PLXDC1: variants seen among roughly 807,000 people sequenced by gnomAD.
PLXDC1 encodes plexin domain-containing protein 1.
A neutral mutation model predicts 61.3 loss-of-function variants in PLXDC1; 39 were observed. The ratio of observed to expected loss-of-function variants is 0.64; its 90% confidence interval spans 0.49 to 0.83. The LOEUF (loss-of-function observed/expected upper bound fraction) is 0.83. Ranked by LOEUF, PLXDC1 falls within the 40% of genes least tolerant of loss-of-function variation. The pLI, the probability that PLXDC1 is intolerant of heterozygous loss-of-function variation, is 0.00. For missense variants in PLXDC1, 596 were observed against 666.5 expected (o/e 0.89, Z 1.17); for synonymous variants, 212 against 254.5 (o/e 0.83, Z 1.59).
chr17:39,132,854 G>A (rs1300531613), intron 2 of PLXDC1, among the ~76,000 whole-genome samples: 1 of 152,116 alleles, frequency 6.6e-6, no homozygotes, highest in African/African-American at 2.4e-5. Context: ...CCACCCGCCA[G>A]CCCTCAGTCC....
Position 39,067,935 on chromosome 17 carries a change from T to C in PLXDC1, c.1408A>G (p.Met470Val), listed in dbSNP as rs764232105. 122 of 1,613,976 alleles carry C rather than the reference T, an allele frequency of 7.6e-5. No homozygotes were observed. The highest frequency in any genetic ancestry group is 1.0e-4 in the Non-Finnish European group (120 of 1,179,998). ...TGGTCAGGGTGGCTGCGAAACTTCA[T>C]GGCTGGCCAGTGGTGAGGTCTACGC... Reference protein sequence around the residue: ...IERRPHHWPAMKFRSHPDHST... With the variant: ...IERRPHHWPAVKFRSHPDHST... Residue 470 changes from methionine (M) to valine (V), a missense_variant, in exon 14 of 14, where the codon ATG (methionine) becomes GTG (valine). By Grantham distance (21) the Met-to-Val change is conservative. Transcript: ENST00000315392.
chr17:39,067,947 G>T lies in PLXDC1; in HGVS notation c.1396C>A (p.His466Asn). ...ALFFIERRPH[H>N]WPAMKFRSHP... ...CTGCGAAACTTCATGGCTGGCCAGT[G>T]GTGAGGTCTACGCTGCAGAAGGCAC... is the stretch of plus-strand genomic sequence containing the variant. The change falls in exon 14 of 14, where the codon CAC becomes AAC. Residue 466 changes from histidine (H) to asparagine (N), a missense_variant. By Grantham distance (68) the His-to-Asn change is moderately conservative. Transcript: ENST00000315392. 1 of 1,613,960 alleles carries T rather than the reference G, an allele frequency of 6.2e-7. No individual in the cohort carries two copies. Among genetic ancestry groups the T allele is most frequent in the Non-Finnish European group, 8.5e-7 (1 of 1,179,948 alleles).
intron 1 of PLXDC1, among the ~76,000 whole-genome samples, chr17:39,143,323 A>C (rs533955727): frequency 6.6e-6 from 1 of 152,054 alleles, no homozygotes; most frequent in East Asian, 1.9e-4. Flanking sequence ...TTTCAGGCCC[A>C]CCCTGTGTCA....
intron 2 of PLXDC1, among the ~76,000 whole-genome samples, chr17:39,139,114 C>G (rs1337275421): frequency 1.3e-5 from 2 of 152,202 alleles, no homozygotes; most frequent in Non-Finnish European, 2.9e-5. Context: ...CCCTCCAGGC[C>G]TCTCCTCCCT....
At chr17:39,084,811 G>A (rs1203341201) in intron 8 of PLXDC1, among the ~76,000 whole-genome samples, 1 of 152,256 alleles carries the variant, frequency 6.6e-6, no homozygotes, top group African/African-American at 2.4e-5. Context: ...GCCAGGCACA[G>A]GAGCAGCAGG....
At chr17:39,072,093 T>C (rs1239919837) in intron 12 of PLXDC1, 2 of 293,658 alleles carry the variant, frequency 6.8e-6, no homozygotes, top group African/African-American at 4.2e-5. Flanking sequence ...TATGAGCCCA[T>C]GGGGATCAGA....
In PLXDC1 at chr17:39,063,498, A is replaced by G; in HGVS notation, c.*4342T>C. On this transcript the variant is annotated 3_prime_UTR_variant, in exon 14 of 14. Coordinates refer to ENST00000315392, the MANE Select transcript of PLXDC1 (RefSeq NM_020405.5). ...GCAGATAGCTGGAGGCTGTTCCCAC[A>G]GTCATGTCTCAGCGAAGAAGTCGGA... is the stretch of plus-strand genomic sequence containing the variant. The G allele has an allele frequency of 2.8e-6, 2 of 702,990 alleles. No homozygotes were observed. The highest frequency in any genetic ancestry group is 1.7e-5 in the African/African-American group (1 of 57,368). 43.5% of individuals were successfully genotyped at this position (702,990 alleles called of 1,614,324 possible).
At chr17:39,122,593 C>T (rs980139125) in intron 2 of PLXDC1, among the ~76,000 whole-genome samples, 2 of 152,078 alleles carry the variant, frequency 1.3e-5, no homozygotes, top group African/African-American at 4.8e-5. Context: ...TATTGATGTG[C>T]CTCTTAAAAA....
chr17:39,105,239 C>A (rs1161035315), intron 7 of PLXDC1, among the ~76,000 whole-genome samples: 2 of 152,156 alleles, frequency 1.3e-5, no homozygotes, highest in African/African-American at 4.8e-5. Context: ...GGATGCCTGC[C>A]GCGCTCCCCA....
At position 39,065,470 on chromosome 17, in the gene PLXDC1, C is replaced by G. The variant is rs1908860456; in HGVS notation, c.*2370G>C. On this transcript the variant is annotated 3_prime_UTR_variant, in exon 14 of 14. Coordinates refer to ENST00000315392, the MANE Select transcript of PLXDC1 (RefSeq NM_020405.5). ...CTGGAGTACAGTGGCATGATTATGACCCCCCACTGCAGCCTCAACCTCCCG... is the reference window on the plus strand; with the variant it reads ...CTGGAGTACAGTGGCATGATTATGAGCCCCCACTGCAGCCTCAACCTCCCG... 6.7e-6 allele frequency: 1 copy of G among 150,338 alleles called. No individual in the cohort carries two copies. The highest frequency in any genetic ancestry group is 2.4e-5 in the African/African-American group (1 of 40,818). 9.3% of individuals were successfully genotyped at this position (150,338 alleles called of 1,614,324 possible).
At chr17:39,133,248 G>C (rs1052816465) in intron 2 of PLXDC1, among the ~76,000 whole-genome samples, 2 of 152,170 alleles carry the variant, frequency 1.3e-5, no homozygotes, top group East Asian at 3.9e-4. Flanking sequence ...GCATTCTCAG[G>C]TGAACACCAC....
intron 12 of PLXDC1, 77 bp from the exon 13 acceptor site, chr17:39,070,093 C>G (rs1296699708): frequency 8.8e-7 from 1 of 1,140,698 alleles, no homozygotes; most frequent in African/African-American, 1.5e-5. Flanking sequence ...TGGGTTCTAA[C>G]AAAGTCTCAG....
Position 39,065,627 on chromosome 17 carries a change from C to T in PLXDC1, c.*2213G>A, listed in dbSNP as rs1174683877. The T allele has an allele frequency of 2.6e-5, 4 of 152,270 alleles. No homozygotes were observed. Among genetic ancestry groups the T allele is most frequent in the Non-Finnish European group, 5.9e-5 (4 of 68,116 alleles). 9.4% of individuals were successfully genotyped at this position (152,270 alleles called of 1,614,324 possible). On this transcript the variant is annotated 3_prime_UTR_variant, in exon 14 of 14. Transcript: ENST00000315392. ...CTGGGCTCAAGCAACCCTCCCACCT[C>T]AGCCTCCCAAAGTGCTGGGAGTACA...
intron 1 of PLXDC1, among the ~76,000 whole-genome samples, chr17:39,142,647 A>T (rs923951515): frequency 2.0e-5 from 3 of 152,194 alleles, no homozygotes; most frequent in African/African-American, 7.2e-5. Context: ...CAGCCTTCTG[A>T]GTAGCTGGTA....
chr17:39,107,581 CT>C, intron 5 of PLXDC1, 56 bp from the exon 6 acceptor site: 1 of 1,294,836 alleles, frequency 7.7e-7, no homozygotes, highest in Admixed American at 1.7e-5. Flanking sequence ...GAGCAGGGCC[CT>C]ACAGAAATGC....
rs374363518 is a variant in PLXDC1, at chr17:39,105,958, G to A, written c.712-5C>T. 1.8e-5 allele frequency: 29 copies of A among 1,608,200 alleles called. No homozygotes were observed. The highest frequency in any genetic ancestry group is 5.3e-5 in the African/African-American group (4 of 74,794). ...TTCCGGGACAGACATAGGGATCTGCGGCAGGGAGAAGAGACTCCGTCCACC... is the reference window on the plus strand; with the variant it reads ...TTCCGGGACAGACATAGGGATCTGCAGCAGGGAGAAGAGACTCCGTCCACC... On this transcript the variant is annotated splice_polypyrimidine_tract_variant and splice_region_variant and intron_variant, in intron 6 of 13. Transcript: ENST00000315392.
intron 2 of PLXDC1, among the ~76,000 whole-genome samples, chr17:39,131,286 G>A (rs60787373): frequency 0.099 from 14,976 of 151,996 alleles, 840 homozygotes; most frequent in Non-Finnish European, 0.12. Context: ...CACTGGAGAC[G>A]ACATCTGCAC....
At chr17:39,128,087 C>CTATGTGTATATA (rs1304464750) in intron 2 of PLXDC1, among the ~76,000 whole-genome samples, 3 of 67,238 alleles carry the variant, frequency 4.5e-5, no homozygotes, top group African/African-American at 1.6e-4. Flanking sequence ...CTCTCTCTCT[C>CTATGTGTATATA]TCTCTATGTG....
chr17:39,082,293 C>T (rs1455628564), intron 9 of PLXDC1, among the ~76,000 whole-genome samples: 2 of 152,182 alleles, frequency 1.3e-5, no homozygotes, highest in African/African-American at 4.8e-5. Context: ...GGGGCCGGGG[C>T]AGTGGCTCAC....
Sources: gnomAD v4.1 joint callset for allele counts (sites outside exome capture counted in the v4.1 genomes callset) on GRCh38, gnomAD v4.1.1 for gene constraint, MANE v1.5 for transcripts, NCBI Gene and HGNC (gene_info 2026-07-23, HGNC 2026-07-21) for gene names.